NUP210L: variants seen among roughly 807,000 people sequenced by gnomAD.
NUP210L encodes nucleoporin 210 like, also known as nuclear pore membrane glycoprotein 210-like.
In NUP210L, 74 loss-of-function variants were observed where a neutral mutation model predicts 208.5. That is an observed-to-expected ratio of 0.35 (90% CI 0.29 to 0.43). NUP210L has a LOEUF of 0.43. Among genes scored for constraint, NUP210L ranks in the 20% least tolerant of loss-of-function variants. NUP210L has a pLI of 1.00. For synonymous variants in NUP210L, 780 were observed against 816.9 expected (o/e 0.95, Z 0.77); for missense variants, 1,843 against 2,289.4 (o/e 0.81, Z 3.98).
At chr1:154,143,195 C>A (rs560946638) in intron 3 of NUP210L, among the ~76,000 whole-genome samples, 1 of 132,462 alleles carries the variant, frequency 7.5e-6, no homozygotes, top group Non-Finnish European at 1.7e-5. Flanking sequence ...TTCCCCTCCC[C>A]CTGCCCAAAA....
At chr1:154,029,060 G>C (rs889358920) in intron 28 of NUP210L, among the ~76,000 whole-genome samples, 33 of 151,396 alleles carry the variant, frequency 2.2e-4, no homozygotes, top group Admixed American at 1.8e-3. Flanking sequence ...TCCAGCCTGG[G>C]TGACAGAGTG....
chr1:154,100,483 A>G (rs1253422941), intron 13 of NUP210L, among the ~76,000 whole-genome samples: 1 of 146,566 alleles, frequency 6.8e-6, no homozygotes, highest in African/African-American at 2.5e-5. Context: ...ATATGATTTC[A>G]GTGGGGTAAC....
chr1:154,116,600 A>G (rs563393117), intron 12 of NUP210L, among the ~76,000 whole-genome samples: 129 of 152,004 alleles, frequency 8.5e-4, no homozygotes, highest in Middle Eastern at 3.4e-3. Flanking sequence ...GGTGGTGCAT[A>G]TCTGTAGTCC....
At chr1:154,077,432 T>C (rs987422231) in intron 16 of NUP210L, among the ~76,000 whole-genome samples, 5 of 151,916 alleles carry the variant, frequency 3.3e-5, no homozygotes, top group African/African-American at 1.2e-4. Context: ...CAATTCTATA[T>C]TGGGCAGAAT....
exon 12 of NUP210L, chr1:154,117,779 A>G (rs1433270859): frequency 1.2e-6 from 2 of 1,613,536 alleles, no homozygotes; most frequent in African/African-American, 1.3e-5. Context: ...AAACAGTACT[A>G]TTCCCCCTGA....
chr1:154,068,159 C>A (rs1215503192), intron 17 of NUP210L, among the ~76,000 whole-genome samples: 5 of 152,128 alleles, frequency 3.3e-5, no homozygotes, highest in Non-Finnish European at 4.4e-5. Context: ...AAGCTGGAGG[C>A]ATCACACTAC....
Position 154,035,491 on chromosome 1 carries a change from G to A in NUP210L, c.3697-5437C>T, listed in dbSNP as rs1186544379. On this transcript the variant is annotated intron_variant, in intron 27 of 39. Transcript: ENST00000368559. ...TGGATCACTGCAACCTCCACCTCCCGGGTTCAAGCGATTCTCCTGCCTCAG... is the reference window on the plus strand; with the variant it reads ...TGGATCACTGCAACCTCCACCTCCCAGGTTCAAGCGATTCTCCTGCCTCAG... Among the ~76,000 whole-genome samples the A allele has an allele frequency of 1.5e-4, 23 of 150,094 alleles. 1 individual carries two copies. The highest frequency in any genetic ancestry group is 5.1e-4 in the African/African-American group (21 of 40,832).
At chr1:154,056,172 G>C (rs749661730) in intron 23 of NUP210L, among the ~76,000 whole-genome samples, 13 of 152,006 alleles carry the variant, frequency 8.6e-5, no homozygotes, top group Non-Finnish European at 1.6e-4. Flanking sequence ...TTTTTTAAGA[G>C]ACAGGGTATC....
At chr1:154,083,443 G>A (rs779177958) in intron 16 of NUP210L, among the ~76,000 whole-genome samples, 4 of 152,156 alleles carry the variant, frequency 2.6e-5, no homozygotes, top group Non-Finnish European at 5.9e-5. Flanking sequence ...TGAACCCAAA[G>A]AGGTCAGGGG....
chr1:154,130,067 G>A (rs1658165269), intron 7 of NUP210L, among the ~76,000 whole-genome samples: 1 of 152,018 alleles, frequency 6.6e-6, no homozygotes, highest in Non-Finnish European at 1.5e-5. Context: ...GGCCAGGCAC[G>A]GTGGCTCATG....
At chr1:153,998,954 G>A (rs1004347032) in intron 37 of NUP210L, among the ~76,000 whole-genome samples, 1 of 151,956 alleles carries the variant, frequency 6.6e-6, no homozygotes, top group Admixed American at 6.6e-5. Flanking sequence ...GAGCTCAAGT[G>A]ATCCTCCATC....
intron 14 of NUP210L, among the ~76,000 whole-genome samples, chr1:154,096,489 G>A (rs1252227750): frequency 3.9e-5 from 6 of 152,128 alleles, no homozygotes; most frequent in Non-Finnish European, 7.4e-5. Context: ...GGCCAGGTGC[G>A]GTAGCTCATG....
chr1:154,080,407 C>T (rs947645100), intron 16 of NUP210L, among the ~76,000 whole-genome samples: 3 of 150,844 alleles, frequency 2.0e-5, no homozygotes, highest in African/African-American at 4.9e-5. Context: ...GGCGCAGTGG[C>T]TCACACCTGT....
At chr1:154,124,406 C>T (rs753347943) in intron 10 of NUP210L, among the ~76,000 whole-genome samples, 4 of 152,012 alleles carry the variant, frequency 2.6e-5, no homozygotes, top group Non-Finnish European at 5.9e-5. Context: ...GCAGGTTTGG[C>T]AGGCTAGTAA....
chr1:154,128,312 C>G (rs1658083723), intron 8 of NUP210L, among the ~76,000 whole-genome samples: 1 of 151,148 alleles, frequency 6.6e-6, no homozygotes, highest in African/African-American at 2.4e-5. Context: ...ACGGCAAGAT[C>G]CCATCTCTAC....
At chr1:153,996,136 G>C (rs1211078941) in intron 37 of NUP210L, among the ~76,000 whole-genome samples, 3 of 151,824 alleles carry the variant, frequency 2.0e-5, no homozygotes, top group Non-Finnish European at 4.4e-5. Flanking sequence ...ACTAAAAATA[G>C]AAAAAATTAG....
intron 1 of NUP210L, 61 bp downstream of exon 1, chr1:154,154,781 C>A (rs1366615176): frequency 4.4e-6 from 6 of 1,349,896 alleles, no homozygotes; most frequent in South Asian, 1.2e-5. Flanking sequence ...CAGAGGGAAC[C>A]CCCCTCACCC....
rs1457719419 is a variant in NUP210L at position 154,033,878 on chromosome 1, G to A, written c.3697-3824C>T. Among the ~76,000 whole-genome samples the A allele has an allele frequency of 2.0e-5, 3 of 152,022 alleles. No homozygotes were observed. The South Asian group carries it at 6.2e-4, about 31-fold the overall frequency. On this transcript the variant is annotated intron_variant, in intron 27 of 39. Transcript: ENST00000368559. ...AACAATATTGATTCTTCCAATCCAT[G>A]AACATGGGATATCTTTCCATTTTTT...
chr1:154,004,119 A>G (rs1650370309), intron 35 of NUP210L, among the ~76,000 whole-genome samples: 1 of 144,334 alleles, frequency 6.9e-6, no homozygotes. Context: ...CCCAGGCTGG[A>G]GTGCAGTGGC....
Sources: allele counts gnomAD v4.1 joint callset (sites outside exome capture counted in the v4.1 genomes callset), GRCh38; gene constraint gnomAD v4.1.1; transcripts MANE v1.5; gene names NCBI Gene and HGNC (gene_info 2026-07-23, HGNC 2026-07-21).